The following RALYL variants were observed in gnomAD, a reference collection of about 807,000 sequenced individuals.
The protein encoded by RALYL is RALY RNA binding protein like.
RALYL carries 29 observed loss-of-function variants against 35.1 expected under a neutral mutation model. That is an observed-to-expected ratio of 0.83 (90% CI 0.61 to 1.13). The LOEUF (loss-of-function observed/expected upper bound fraction) is 1.13. Ranked by LOEUF, RALYL falls within the 50% of genes most tolerant of loss-of-function variation. The probability of loss-of-function intolerance (pLI) is 0.00; values close to 1 mark genes in which losing one functional copy is unlikely to be tolerated. For missense variants in RALYL, 359 were observed against 360.4 expected (o/e 1.00, Z 0.03); for synonymous variants, 120 against 127.6 (o/e 0.94, Z 0.40).
chr8:84,867,937 A>C (rs533946177), intron 6 of RALYL, among the ~76,000 whole-genome samples: 62 of 152,326 alleles, frequency 4.1e-4, no homozygotes, highest in African/African-American at 1.5e-3. Context: ...GGGACCAGAA[A>C]ATTTAAAAAT....
At chr8:84,441,657 A>T (rs2048345834) in intron 1 of RALYL, among the ~76,000 whole-genome samples, 1 of 152,180 alleles carries the variant, frequency 6.6e-6, no homozygotes, top group Non-Finnish European at 1.5e-5. Context: ...AACCAAAAAG[A>T]GGAAAAGAGC....
At chr8:84,464,755 C>T (rs2051320477) in intron 1 of RALYL, among the ~76,000 whole-genome samples, 1 of 150,846 alleles carries the variant, frequency 6.6e-6, no homozygotes, top group Non-Finnish European at 1.5e-5. Context: ...ACAGTCCCAC[C>T]AACAGTGTAA....
intron 1 of RALYL, among the ~76,000 whole-genome samples, chr8:84,191,821 C>T (rs896648167): frequency 3.3e-5 from 5 of 151,876 alleles, no homozygotes; most frequent in African/African-American, 1.2e-4. Flanking sequence ...AAATGATTAG[C>T]CTGCCTTTCT....
intron 1 of RALYL, among the ~76,000 whole-genome samples, chr8:84,525,753 T>C (rs529187116): frequency 2.7e-4 from 41 of 152,094 alleles, no homozygotes; most frequent in African/African-American, 8.7e-4. Flanking sequence ...TTCATCACCA[T>C]TCAGTGATTT....
At chr8:84,619,948 T>C (rs1181302099) in intron 2 of RALYL, among the ~76,000 whole-genome samples, 1 of 151,956 alleles carries the variant, frequency 6.6e-6, no homozygotes, top group Non-Finnish European at 1.5e-5. Flanking sequence ...TTGTAGGGTT[T>C]CTGCTGAGAG....
intron 2 of RALYL, among the ~76,000 whole-genome samples, chr8:84,763,201 G>A (rs574203388): frequency 2.0e-5 from 3 of 152,128 alleles, no homozygotes; most frequent in East Asian, 1.9e-4. Context: ...ATATATACGC[G>A]TATGAAAAGA....
At chr8:84,235,131 A>T (rs78748693) in intron 1 of RALYL, among the ~76,000 whole-genome samples, 15,357 of 152,202 alleles carry the variant, frequency 0.1, 1,077 homozygotes, top group African/African-American at 0.2. Context: ...TTTGTTTATT[A>T]TGAATATTTT....
chr8:84,435,761 G>A (rs1205325405), intron 1 of RALYL, among the ~76,000 whole-genome samples: 1 of 152,130 alleles, frequency 6.6e-6, no homozygotes, highest in Non-Finnish European at 1.5e-5. Flanking sequence ...TTACTAGATT[G>A]TAGTTCTAGA....
chr8:84,505,031 C>T (rs115314208), intron 1 of RALYL, among the ~76,000 whole-genome samples: 2,479 of 152,192 alleles, frequency 0.016, 69 homozygotes, highest in African/African-American at 0.056. Flanking sequence ...AGATATTGGG[C>T]TGTCTTGCTT....
At chr8:84,268,215 A>G (rs925255318) in intron 1 of RALYL, among the ~76,000 whole-genome samples, 2 of 152,208 alleles carry the variant, frequency 1.3e-5, no homozygotes, top group Non-Finnish European at 2.9e-5. Context: ...TTGAGACTCA[A>G]CGAGACAGTC....
intron 2 of RALYL, among the ~76,000 whole-genome samples, chr8:84,535,467 G>A (rs1371421234): frequency 4.9e-5 from 7 of 142,542 alleles, no homozygotes; most frequent in African/African-American, 1.8e-4. Context: ...ACGGAGTCTC[G>A]CTCTGTCGCC....
chr8:84,409,328 C>G (rs927629989), intron 1 of RALYL, among the ~76,000 whole-genome samples: 1 of 151,950 alleles, frequency 6.6e-6, no homozygotes, highest in Admixed American at 6.6e-5. Flanking sequence ...AAAATTAACA[C>G]TAATATATCT....
At chr8:84,518,489 C>A (rs945210762) in intron 1 of RALYL, among the ~76,000 whole-genome samples, 15 of 152,230 alleles carry the variant, frequency 9.9e-5, no homozygotes, top group East Asian at 9.6e-4. Flanking sequence ...GACATTGCAT[C>A]TACAGTCATA....
rs188208718 is a variant in RALYL, at chr8:84,508,669, A to T, written c.-23-20630A>T. ...ATTATATACATATATATATTTTTTT[A>T]AAAAAAGATGAATTTTTCCAAGCGT... On this transcript the variant is annotated intron_variant, in intron 1 of 8. Transcript: ENST00000521268. Among the ~76,000 whole-genome samples, 992 of 152,024 alleles carry T rather than the reference A, an allele frequency of 6.5e-3. 7 individuals carry two copies. The highest frequency in any genetic ancestry group is 0.021 in the African/African-American group (873 of 41,510).
At chr8:84,275,588 T>C (rs942942211) in intron 1 of RALYL, among the ~76,000 whole-genome samples, 1 of 152,068 alleles carries the variant, frequency 6.6e-6, no homozygotes, top group Non-Finnish European at 1.5e-5. Flanking sequence ...AGTATATTGT[T>C]ATTATCTATA....
intron 8 of RALYL, among the ~76,000 whole-genome samples, chr8:84,907,849 T>C (rs906823122): frequency 3.0e-4 from 45 of 152,054 alleles, no homozygotes; most frequent in Non-Finnish European, 4.9e-4. Context: ...ATAAATATAA[T>C]GAAAGGACAA....
intron 1 of RALYL, among the ~76,000 whole-genome samples, chr8:84,452,123 C>G (rs1385103742): frequency 6.6e-6 from 1 of 151,852 alleles, no homozygotes; most frequent in Admixed American, 6.6e-5. Flanking sequence ...TCCATACATG[C>G]TTTTTAACAA....
rs768558370 is a variant in RALYL, at chr8:84,299,565, C to T, written c.-24+115141C>T. ...TGGTACCAGTTCTTCTGTGTAATTC[C>T]GGTAGAATTCAACTGTGAATCTGTG... On this transcript the variant is annotated intron_variant, in intron 1 of 8. Coordinates refer to ENST00000521268, the MANE Select transcript of RALYL (RefSeq NM_173848.7). Among the ~76,000 whole-genome samples, 20 of 151,846 alleles carry T rather than the reference C, an allele frequency of 1.3e-4. 1 individual carries two copies. Among genetic ancestry groups the T allele is most frequent in the East Asian group, 1.9e-4 (1 of 5,160 alleles).
At chr8:84,841,553 G>C (rs1833349478) in intron 4 of RALYL, among the ~76,000 whole-genome samples, 1 of 152,134 alleles carries the variant, frequency 6.6e-6, no homozygotes, top group Admixed American at 6.6e-5. Flanking sequence ...ACATTAGACA[G>C]ATCAACGAGA....
Sources: allele counts gnomAD v4.1 joint callset (sites outside exome capture counted in the v4.1 genomes callset), GRCh38; gene constraint gnomAD v4.1.1; transcripts MANE v1.5; gene names NCBI Gene and HGNC (gene_info 2026-07-23, HGNC 2026-07-21).